Variants in UBA2 observed in about 807,000 individuals in gnomAD.
The protein encoded by UBA2 is ubiquitin like modifier activating enzyme 2, also known as SUMO-activating enzyme subunit 2.
UBA2 carries 11 observed loss-of-function variants against 77.2 expected under a neutral mutation model. The ratio of observed to expected loss-of-function variants is 0.14; its 90% CI spans 0.09 to 0.24. The LOEUF is 0.24. UBA2 is among the 10% of genes least tolerant of loss of function. The probability of loss-of-function intolerance (pLI) is 1.00; values close to 1 mark genes in which losing one functional copy is unlikely to be tolerated. For synonymous variants in UBA2, 278 were observed against 276.7 expected, an observed-to-expected ratio of 1.00 and a Z score of -0.05; for missense variants, 487 against 781.7, an observed-to-expected ratio of 0.62 and a Z score of 4.50.
Position 34,460,538 on chromosome 19 carries a change from A to G in UBA2, c.1470A>G (p.Leu490=). ...VQIEDGKGTI[L]ISSEEGETEA... is the part of the protein sequence containing the mutation. ...TTGAAGATGGGAAAGGAACAATCCT[A>G]ATATCTTCCGAAGAGGGAGAGACGG... Residue 490 remains leucine, a synonymous_variant, in exon 14 of 17, where the codon CTA becomes CTG. Coordinates refer to ENST00000246548, the MANE Select transcript of UBA2 (RefSeq NM_005499.3). 2 of 1,611,792 alleles carry G rather than the reference A, an allele frequency of 1.2e-6. No individual in the cohort carries two copies. Among genetic ancestry groups the G allele is most frequent in the Non-Finnish European group, 1.7e-6 (2 of 1,179,026 alleles).
Position 34,471,117 on chromosome 19 carries a change from TCA to T in UBA2, c.*1898_*1899del, listed in dbSNP as rs2075729486. 6.6e-6 allele frequency: 1 copy of T among 152,220 alleles called. No individual in the cohort carries two copies. The highest frequency in any genetic ancestry group is 2.4e-5 in the African/African-American group (1 of 41,448). 9.4% of individuals were successfully genotyped at this position (152,220 alleles called of 1,614,324 possible). ...GGCTTTGCCTGTTAGGGTACTCTTATCACTCAGAGATGGGCCTTGAGTTTTCA... is the reference window on the plus strand; with the variant it reads ...GGCTTTGCCTGTTAGGGTACTCTTATCTCAGAGATGGGCCTTGAGTTTTCA... On this transcript the variant is annotated 3_prime_UTR_variant, in exon 17 of 17. Transcript: ENST00000246548.
In UBA2 at chr19:34,433,170, A is replaced by T. The variant is rs1488388055; in HGVS notation, c.294-178A>T. On this transcript the variant is annotated intron_variant, in intron 3 of 16. Transcript: ENST00000246548. ...AAAGGATAGGAATTTGAAGGAAATAATTTCTTTAAAATCTGCTTATGTTTG... is the reference window on the plus strand; with the variant it reads ...AAAGGATAGGAATTTGAAGGAAATATTTTCTTTAAAATCTGCTTATGTTTG... 3 of 523,012 alleles carry T rather than the reference A, an allele frequency of 5.7e-6. No individual in the cohort carries two copies. The African/African-American group carries it at 5.9e-5, about 10-fold the overall frequency. 32.4% of individuals were successfully genotyped at this position (523,012 alleles called of 1,614,324 possible). A position where few individuals can be genotyped will look rare whatever the true frequency, so the allele number is the denominator to read the frequency against.
intron 14 of UBA2, among the ~76,000 whole-genome samples, chr19:34,462,195 A>C (rs2075638858): frequency 6.6e-6 from 1 of 152,202 alleles, no homozygotes. Context: ...GGGTTTAAAC[A>C]GGGGAGTAGC....
intron 6 of UBA2, among the ~76,000 whole-genome samples, chr19:34,439,157 G>A (rs929846896): frequency 2.7e-5 from 4 of 150,030 alleles, no homozygotes; most frequent in Non-Finnish European, 1.5e-5. Flanking sequence ...GGAGTGAGCC[G>A]AGATCGCGCC....
At chr19:34,445,816 C>T (rs565749584) in intron 8 of UBA2, among the ~76,000 whole-genome samples, 1 of 152,266 alleles carries the variant, frequency 6.6e-6, no homozygotes, top group East Asian at 1.9e-4. Flanking sequence ...CCTTGAACCC[C>T]ATAAGCCCCT....
Position 34,438,660 on chromosome 19 carries a change from T to C in UBA2, c.475T>C (p.Tyr159His). 6.2e-7 allele frequency: 1 copy of C among 1,614,194 alleles called. No homozygotes were observed. Among genetic ancestry groups the C allele is most frequent in the Non-Finnish European group, 8.5e-7 (1 of 1,180,032 alleles). The change falls in exon 6 of 17, where the codon TAT becomes CAT. Residue 159 changes from tyrosine (Y) to histidine (H), a missense_variant. Coordinates refer to ENST00000246548, the MANE Select transcript of UBA2 (RefSeq NM_005499.3). Reference sequence around the variant, plus strand: ...GACTTCATAGGGTGTGACCGAGTGTTATGAGTGTCATCCTAAGCCGACCCA... The same window carrying C: ...GACTTCATAGGGTGTGACCGAGTGTCATGAGTGTCATCCTAAGCCGACCCA... ...TTIKKGVTECYECHPKPTQRT... is the reference protein window; with the variant it reads ...TTIKKGVTECHECHPKPTQRT...
chr19:34,446,608 CTTTCTTTTTTT>C (rs1478997700), intron 8 of UBA2, among the ~76,000 whole-genome samples: 11 of 145,152 alleles, frequency 7.6e-5, no homozygotes, highest in Middle Eastern at 3.2e-3. Flanking sequence ...TTTTTTTTTT[CTTTCTTTTTTT>C]TTTTTTTTGA....
intron 7 of UBA2, 21 bp from the exon 8 acceptor site, chr19:34,444,978 TA>T: frequency 6.2e-7 from 1 of 1,601,884 alleles, no homozygotes; most frequent in Non-Finnish European, 8.5e-7. Flanking sequence ...CGGTTGAAAA[TA>T]AAATAATGAT....
chr19:34,469,290 C>T lies in UBA2; in HGVS notation c.*69C>T. ...CTGGGCAGAACCAGATTGTTATGTC[C>T]TTTGTTCCAAAGGGAAAAAATTGAC... On this transcript the variant is annotated 3_prime_UTR_variant, in exon 17 of 17. Coordinates refer to ENST00000246548, the MANE Select transcript of UBA2 (RefSeq NM_005499.3). The T allele has an allele frequency of 4.3e-6, 6 of 1,386,196 alleles. No homozygotes were observed. Among genetic ancestry groups the T allele is most frequent in the East Asian group, 2.6e-5 (1 of 38,638 alleles). 85.9% of individuals were successfully genotyped at this position (1,386,196 alleles called of 1,614,324 possible). A position where few individuals can be genotyped will look rare whatever the true frequency, so the allele number is the denominator to read the frequency against.
At chr19:34,455,779 G>A (rs964940795) in intron 12 of UBA2, among the ~76,000 whole-genome samples, 1 of 152,064 alleles carries the variant, frequency 6.6e-6, no homozygotes, top group African/African-American at 2.4e-5. Flanking sequence ...CAGTAGCTAG[G>A]ATTACAGGTG....
At chr19:34,434,010 T>G (rs2075283578) in intron 4 of UBA2, among the ~76,000 whole-genome samples, 2 of 152,072 alleles carry the variant, frequency 1.3e-5, no homozygotes, top group Admixed American at 6.6e-5. Context: ...TTGAGTGATA[T>G]TCTTTGTCTG....
chr19:34,445,449 T>G lies in UBA2; in HGVS notation c.771+328T>G, dbSNP rs187967635. Among the ~76,000 whole-genome samples, 1,457 of 148,722 alleles carry G rather than the reference T, an allele frequency of 9.8e-3. 21 individuals are homozygous for G. The highest frequency in any genetic ancestry group is 0.043 in the East Asian group (216 of 5,038). On this transcript the variant is annotated intron_variant, in intron 8 of 16. Transcript: ENST00000246548. Reference sequence around the variant, plus strand: ...TCTCATCTTCACTTTTTTTTTTTTTTTTTTTTTGAGATGGAGTCTCACTCT... The same window carrying G: ...TCTCATCTTCACTTTTTTTTTTTTTGTTTTTTTGAGATGGAGTCTCACTCT...
At chr19:34,428,615 G>C (rs753505599) in intron 1 of UBA2, 45 bp downstream of exon 1, 2 of 1,297,036 alleles carry the variant, frequency 1.5e-6, no homozygotes, top group Non-Finnish European at 2.0e-6. Context: ...TGTGGTGCGG[G>C]GGCTGGGATT....
intron 16 of UBA2, among the ~76,000 whole-genome samples, chr19:34,468,345 C>T (rs748840070): frequency 1.9e-4 from 29 of 152,098 alleles, no homozygotes; most frequent in Non-Finnish European, 4.0e-4. Context: ...TAGAAAGGTC[C>T]GTCATCTTCC....
intron 14 of UBA2, among the ~76,000 whole-genome samples, chr19:34,463,287 T>TC (rs2075652074): frequency 1.3e-5 from 2 of 152,054 alleles, no homozygotes; most frequent in Admixed American, 6.5e-5. Context: ...CTCAGTTTGG[T>TC]CCCCCTGAAG....
rs1203607061 is a variant in UBA2, at chr19:34,463,965, AATCAAC to A, written c.1499-60_1499-55del. 3.2e-5 allele frequency: 40 copies of A among 1,259,428 alleles called. No individual in the cohort carries two copies. In the Admixed American group the frequency reaches 6.3e-4, roughly 20 times the overall value. The allele number at this position is 1,259,428 out of a possible 1,614,324, so 78.0% of individuals were successfully genotyped here. On this transcript the variant is annotated intron_variant, in intron 14 of 16. Coordinates refer to ENST00000246548, the MANE Select transcript of UBA2 (RefSeq NM_005499.3). ...ATAACAGAGGTTTAGCTTTTTAAAA[AATCAAC>A]CTGACTGCTCTATGAAGATGTAACT...
chr19:34,461,358 T>TGTCAAG lies in UBA2; in HGVS notation c.1498+795_1498+800dup, dbSNP rs149997450. Reference sequence around the variant, plus strand: ...AAGCCTTCTTTAAATTCAGGTTTAGTGTCAAGGTTCTTCTTGGTTGTAGTT... The same window carrying TGTCAAG: ...AAGCCTTCTTTAAATTCAGGTTTAGTGTCAAGGTCAAGGTTCTTCTTGGTTGTAGTT... On this transcript the variant is annotated intron_variant, in intron 14 of 16. Coordinates refer to ENST00000246548, the MANE Select transcript of UBA2 (RefSeq NM_005499.3). 4.8e-3 allele frequency among the ~76,000 whole-genome samples: 734 copies of TGTCAAG among 152,336 alleles called. 6 individuals carry two copies. Among genetic ancestry groups the TGTCAAG allele is most frequent in the African/African-American group, 0.017 (697 of 41,566 alleles).
chr19:34,451,357 A>T (rs915893060), intron 9 of UBA2, among the ~76,000 whole-genome samples: 8 of 152,022 alleles, frequency 5.3e-5, no homozygotes, highest in African/African-American at 1.9e-4. Context: ...ACAATCAGGG[A>T]TAGTTATCAA....
At chr19:34,466,204 C>T (rs1001751570) in intron 15 of UBA2, among the ~76,000 whole-genome samples, 6 of 151,930 alleles carry the variant, frequency 3.9e-5, no homozygotes, top group Non-Finnish European at 4.4e-5. Context: ...GGTGTGGTGG[C>T]GCGCCTATAG....
Sources: gnomAD v4.1 joint callset for allele counts (sites outside exome capture counted in the v4.1 genomes callset) on GRCh38, gnomAD v4.1.1 for gene constraint, MANE v1.5 for transcripts, NCBI Gene and HGNC (gene_info 2026-07-23, HGNC 2026-07-21) for gene names.